ADGRE3: variants seen among roughly 807,000 people sequenced by gnomAD.
ADGRE3 encodes adhesion G protein-coupled receptor E3, also known as EGF-like module receptor 3.
A neutral mutation model predicts 80.1 loss-of-function variants in ADGRE3; 88 were observed. The observed-to-expected ratio is 1.10, with a 90% CI of 0.93 to 1.31. The LOEUF (loss-of-function observed/expected upper bound fraction) is 1.31. ADGRE3 is among the 40% of genes most tolerant of loss of function. The pLI is 0.00. For missense variants in ADGRE3, 715 were observed against 776.5 expected (o/e 0.92, Z 0.94); for synonymous variants, 281 against 294.8 (o/e 0.95, Z 0.48).
In ADGRE3 at chr19:14,630,079, C is replaced by A. The variant is rs779680624; in HGVS notation, c.1772G>T (p.Gly591Val). The change falls in exon 14 of 16, where the codon GGC (glycine) becomes GTC (valine). Residue 591 changes from glycine (G) to valine (V), a missense_variant. Gly to Val is a moderately radical substitution (Grantham distance 109). Transcript: ENST00000253673. ...YLFTIINSLQ[G>V]FFIFLVYCLL... is the part of the protein sequence containing the mutation. ...GCAGTAGACCAAGAAGATGAAGAAG[C>A]CTTGGAGGCTGTTGATGATGGTGAA... 18 of 1,611,652 alleles carry A rather than the reference C, an allele frequency of 1.1e-5. No homozygotes were observed. Among genetic ancestry groups the A allele is most frequent in the South Asian group, 3.3e-5 (3 of 90,812 alleles).
downstream of ADGRE3, among the ~76,000 whole-genome samples, chr19:14,618,846 C>CAAAAAAAAAAAAAAA (rs771965258): frequency 3.2e-5 from 2 of 61,956 alleles, no homozygotes; most frequent in Non-Finnish European, 5.5e-5. Context: ...AACTCCATCT[C>CAAAAAAAAAAAAAAA]AAAAAAAAAA....
chr19:14,615,826 C>A (rs1045623560), downstream of ADGRE3, among the ~76,000 whole-genome samples: 1 of 151,900 alleles, frequency 6.6e-6, no homozygotes, highest in African/African-American at 2.4e-5. Context: ...GTGGTGCAAT[C>A]ATAGCTCACT....
chr19:14,642,779 C>T (rs529610179), intron 9 of ADGRE3, among the ~76,000 whole-genome samples: 150 of 152,298 alleles, frequency 9.8e-4, no homozygotes, highest in African/African-American at 3.5e-3. Context: ...GCATAGTATT[C>T]CATGGTGTAT....
chr19:14,663,457 C>T lies in ADGRE3; in HGVS notation c.160G>A (p.Gly54Arg). The T allele has an allele frequency of 6.2e-7, 1 of 1,612,740 alleles. No individual in the cohort carries two copies. The highest frequency in any genetic ancestry group is 8.5e-7 in the Non-Finnish European group (1 of 1,179,120). Reference protein sequence around the residue: ...TCNHGYTSGSGQKLFTFPLET... With the variant: ...TCNHGYTSGSRQKLFTFPLET... ...AAGGGGAATGTGAATAGTTTCTGCC[C>T]AGATCCAGAAGTATATCCATGGTTG... Residue 54 changes from glycine to arginine, a missense_variant, in exon 3 of 16, where the codon GGG becomes AGG. By Grantham distance (125) the Gly-to-Arg change is moderately radical. Coordinates refer to ENST00000253673, the MANE Select transcript of ADGRE3 (RefSeq NM_032571.5).
rs1568470378 is a variant in ADGRE3, at chr19:14,619,447, T to C, written c.1945A>G (p.Lys649Glu). 1 of 1,592,840 alleles carries C rather than the reference T, an allele frequency of 6.3e-7. No homozygotes were observed. The highest frequency in any genetic ancestry group is 8.6e-7 in the Non-Finnish European group (1 of 1,161,150). The change falls in exon 16 of 16, where the codon AAG (lysine) becomes GAG (glutamate). Residue 649 changes from lysine to glutamate, a missense_variant. Coordinates refer to ENST00000253673, the MANE Select transcript of ADGRE3 (RefSeq NM_032571.5). Reference protein sequence around the residue: ...SEGDVFPGQVKRKY With the variant: ...SEGDVFPGQVERKY ...ATATTCTAGTTTTAATATTTTCTCT[T>C]CACTTGTCCTGGAAAAACATCCCCC... is the stretch of plus-strand genomic sequence containing the variant.
At chr19:14,601,040 T>A in the ADGRE3 span, among the ~76,000 whole-genome samples, 28,601 of 151,436 alleles carry the variant, frequency 0.19, 2,988 homozygotes, top group Non-Finnish European at 0.22. Context: ...GTAGCTGGGA[T>A]TGCAGGCATG....
intron 15 of ADGRE3, chr19:14,621,697 C>A (rs1041447153): frequency 9.6e-7 from 1 of 1,037,710 alleles, no homozygotes; most frequent in Non-Finnish European, 1.3e-6. Flanking sequence ...GATTTTCACC[C>A]GTGTCCCATT....
chr19:14,605,878 A>G, the ADGRE3 span, among the ~76,000 whole-genome samples: 1 of 152,064 alleles, frequency 6.6e-6, no homozygotes, highest in Admixed American at 6.6e-5. Flanking sequence ...AGCTGGGACT[A>G]TAGACACGCA....
chr19:14,664,960 A>T (rs796787410), intron 2 of ADGRE3, among the ~76,000 whole-genome samples: 1 of 151,598 alleles, frequency 6.6e-6, no homozygotes, highest in African/African-American at 2.4e-5. Context: ...TCTTTACGTT[A>T]TAGGAACATA....
At chr19:14,615,475 C>G (rs1260669023), downstream of ADGRE3, among the ~76,000 whole-genome samples, 2 of 151,852 alleles carry the variant, frequency 1.3e-5, no homozygotes, top group East Asian at 3.9e-4. Flanking sequence ...GAGACAGCAT[C>G]TCTGGCCAGG....
intron 7 of ADGRE3, among the ~76,000 whole-genome samples, chr19:14,647,658 T>A (rs1971453569): frequency 6.6e-6 from 1 of 151,760 alleles, no homozygotes; most frequent in African/African-American, 2.4e-5. Flanking sequence ...CCTCAGGTGA[T>A]CCACATGTCT....
chr19:14,672,466 G>T (rs891284753), intron 1 of ADGRE3, among the ~76,000 whole-genome samples: 4 of 152,166 alleles, frequency 2.6e-5, no homozygotes, highest in African/African-American at 9.7e-5. Flanking sequence ...TACTTTGTGG[G>T]GTTTTGGAGA....
chr19:14,643,116 A>G (rs1971297114), intron 9 of ADGRE3, among the ~76,000 whole-genome samples: 1 of 143,248 alleles, frequency 7.0e-6, no homozygotes, highest in Non-Finnish European at 1.5e-5. Context: ...AATAGTAGTC[A>G]TTCATGATGT....
downstream of ADGRE3, among the ~76,000 whole-genome samples, chr19:14,615,333 C>T (rs922119698): frequency 6.6e-6 from 1 of 150,680 alleles, no homozygotes; most frequent in African/African-American, 2.4e-5. Flanking sequence ...GGAGAGGTGA[C>T]TCTGAGATGC....
At chr19:14,646,355 C>A (rs889925292) in intron 8 of ADGRE3, among the ~76,000 whole-genome samples, 1 of 152,114 alleles carries the variant, frequency 6.6e-6, no homozygotes. Flanking sequence ...ACCTCATGAT[C>A]CCCCCACCTT....
At chr19:14,616,671 G>A (rs139173122), downstream of ADGRE3, among the ~76,000 whole-genome samples, 6 of 151,978 alleles carry the variant, frequency 3.9e-5, no homozygotes, top group East Asian at 1.9e-4. Flanking sequence ...CACCGAGGAA[G>A]CATTTGGGAC....
intron 11 of ADGRE3, 104 bp downstream of exon 11, chr19:14,638,001 C>G (rs764570652): frequency 6.7e-5 from 53 of 796,928 alleles, no homozygotes; most frequent in Non-Finnish European, 1.1e-4. Flanking sequence ...TAAAGGAGAA[C>G]GTAGAGTGCA....
At chr19:14,636,092 TTC>T (rs773295558) in intron 11 of ADGRE3, among the ~76,000 whole-genome samples, 1 of 37,264 alleles carries the variant, frequency 2.7e-5, no homozygotes, top group African/African-American at 8.1e-5. Context: ...CTTTCTTTCT[TTC>T]TTTCTTTCTT....
At chr19:14,647,410 C>CTT (rs35043921) in intron 7 of ADGRE3, 45 bp from the exon 8 acceptor site, 3,813 of 936,410 alleles carry the variant, frequency 4.1e-3, no homozygotes, top group Middle Eastern at 5.2e-3. Flanking sequence ...TCTTTTCTTT[C>CTT]TTTTTTTTTT....
Sources: allele counts gnomAD v4.1 joint callset (sites outside exome capture counted in the v4.1 genomes callset), GRCh38; gene constraint gnomAD v4.1.1; transcripts MANE v1.5; gene names NCBI Gene and HGNC (gene_info 2026-07-23, HGNC 2026-07-21).